Variants in AGAP1 observed in about 807,000 individuals in gnomAD.
The protein encoded by AGAP1 is arf-GAP with GTPase, ANK repeat and PH domain-containing protein 1.
In AGAP1, 29 loss-of-function variants were observed where a neutral mutation model predicts 105.3. The observed-to-expected ratio is 0.28, with a 90% CI of 0.21 to 0.38. The LOEUF (loss-of-function observed/expected upper bound fraction) is 0.38. Ranked by LOEUF, AGAP1 falls within the 10% of genes least tolerant of loss-of-function variation. The probability of loss-of-function intolerance (pLI) is 1.00; values close to 1 mark genes in which losing one functional copy is unlikely to be tolerated. For missense variants in AGAP1, 998 were observed against 1,165.1 expected, an observed-to-expected ratio of 0.86 and a Z score of 2.09; for synonymous variants, 509 against 485.9, an observed-to-expected ratio of 1.05 and a Z score of -0.63.
At position 235,882,355 on chromosome 2, in the gene AGAP1, C is replaced by T. The variant is rs915419991; in HGVS notation, c.1051-990C>T. 106 of 1,333,672 alleles carry T rather than the reference C, an allele frequency of 7.9e-5. 3 individuals are homozygous for T. Among genetic ancestry groups the T allele is most frequent in the Admixed American group, 2.9e-4 (15 of 51,386 alleles). 82.6% of individuals were successfully genotyped at this position (1,333,672 alleles called of 1,614,324 possible). ...AGGATGACGAGGGCAGGAAATCCTC[C>T]GGGCTCTTAGGAAATTTCACTCCGC... is the stretch of plus-strand genomic sequence containing the variant. On this transcript the variant is annotated intron_variant, in intron 9 of 17. Transcript: ENST00000304032. This position sits in a 1 kb window ranked among gnomAD's most constrained non-coding sequence, Gnocchi z 4.6.
At chr2:235,554,792 C>T (rs1331451260) in intron 1 of AGAP1, among the ~76,000 whole-genome samples, 1 of 152,168 alleles carries the variant, frequency 6.6e-6, no homozygotes, top group Non-Finnish European at 1.5e-5. Context: ...GCCTCAGCCT[C>T]CCGTGTAGCT....
rs1022374680 is a variant in AGAP1, at chr2:236,073,031, G to A, written c.2114+23750G>A. ...TTTTTTTTTCCTAGACAGTCTCGCT[G>A]TGTCTCCAGGCTGGAGTGCAGTGGT... On this transcript the variant is annotated intron_variant, in intron 16 of 17. Coordinates refer to ENST00000304032, the MANE Select transcript of AGAP1 (RefSeq NM_001037131.3). The surrounding 1 kb of genome is among the most constrained non-coding windows in gnomAD (Gnocchi z 5.4). Among the ~76,000 whole-genome samples the A allele has an allele frequency of 6.6e-6, 1 of 150,968 alleles. No individual in the cohort carries two copies.
rs565519093 is a variant in AGAP1, at chr2:235,992,652, T to C, written c.1645+24029T>C. Among the ~76,000 whole-genome samples the C allele has an allele frequency of 3.6e-4, 55 of 152,338 alleles. No individual in the cohort carries two copies. Among genetic ancestry groups the C allele is most frequent in the South Asian group, 6.2e-4 (3 of 4,822 alleles). On this transcript the variant is annotated intron_variant, in intron 13 of 17. Coordinates refer to ENST00000304032, the MANE Select transcript of AGAP1 (RefSeq NM_001037131.3). The surrounding 1 kb of genome is among the most constrained non-coding windows in gnomAD (Gnocchi z 4.8). Reference sequence around the variant, plus strand: ...ATGTTGAAGGCAATACTCATCAGAGTATGCATTAAGTAGCATTGAACCACA... The same window carrying C: ...ATGTTGAAGGCAATACTCATCAGAGCATGCATTAAGTAGCATTGAACCACA...
rs942329626 is a variant in AGAP1 at position 235,728,330 on chromosome 2, T to TGCTC, written c.310+10687_310+10690dup. On this transcript the variant is annotated intron_variant, in intron 3 of 17. Transcript: ENST00000304032. This position sits in a 1 kb window ranked among gnomAD's most constrained non-coding sequence, Gnocchi z 4.3. Reference sequence around the variant, plus strand: ...GTGTGTGTGTGTGTGTGTGTGTGCGTGCTCTTAAATCAATGTAAATTAGGC... The same window carrying TGCTC: ...GTGTGTGTGTGTGTGTGTGTGTGCGTGCTCGCTCTTAAATCAATGTAAATTAGGC... Among the ~76,000 whole-genome samples the TGCTC allele has an allele frequency of 2.7e-5, 4 of 149,754 alleles. No individual in the cohort carries two copies. The highest frequency in any genetic ancestry group is 7.3e-5 in the African/African-American group (3 of 40,892).
Position 236,053,832 on chromosome 2 carries a change from A to G in AGAP1, c.2114+4551A>G, listed in dbSNP as rs1189045226. Among the ~76,000 whole-genome samples, 1 of 152,292 alleles carries G rather than the reference A, an allele frequency of 6.6e-6. No homozygotes were observed. The highest frequency in any genetic ancestry group is 2.4e-5 in the African/African-American group (1 of 41,480). ...GCTCTTGAGAGGCGCTTTAAGCGCA[A>G]CTGAAATCACCCATTACCTCTTTGA... On this transcript the variant is annotated intron_variant, in intron 16 of 17. Coordinates refer to ENST00000304032, the MANE Select transcript of AGAP1 (RefSeq NM_001037131.3). The surrounding 1 kb of genome is among the most constrained non-coding windows in gnomAD (Gnocchi z 4.6).
intron 13 of AGAP1, among the ~76,000 whole-genome samples, chr2:236,016,613 G>T (rs951317047): frequency 6.6e-6 from 1 of 152,096 alleles, no homozygotes; most frequent in African/African-American, 2.4e-5. Context: ...GTAGAACCAG[G>T]AGTGAGGATT....
intron 6 of AGAP1, among the ~76,000 whole-genome samples, chr2:235,761,126 A>G (rs868865384): frequency 5.6e-4 from 86 of 152,316 alleles, no homozygotes; most frequent in African/African-American, 1.6e-3. Context: ...AACAGGAAGA[A>G]ATTATCTTAA....
rs368165560 is a variant in AGAP1, at chr2:236,123,873, C to T, written c.2371-46C>T. ...AGAAAGCTTCCCTGCCCCCTCCCTC[C>T]ATCACATCCCCCATGATACTAATGT... On this transcript the variant is annotated intron_variant, in intron 17 of 17. Transcript: ENST00000304032. The surrounding 1 kb of genome is among the most constrained non-coding windows in gnomAD (Gnocchi z 4.6). The T allele has an allele frequency of 3.5e-5, 56 of 1,607,618 alleles. No individual in the cohort carries two copies. Among genetic ancestry groups the T allele is most frequent in the Non-Finnish European group, 4.5e-5 (53 of 1,176,764 alleles).
rs901437396 is a variant in AGAP1, at chr2:235,842,522, C to T, written c.1050+35191C>T. On this transcript the variant is annotated intron_variant, in intron 9 of 17. Coordinates refer to ENST00000304032, the MANE Select transcript of AGAP1 (RefSeq NM_001037131.3). This position sits in a 1 kb window ranked among gnomAD's most constrained non-coding sequence, Gnocchi z 5.3. Reference sequence around the variant, plus strand: ...AGTGTGCTTATTACCCAGCCACAGGCGTTGCTTATATTTTGGTGACTGTAT... The same window carrying T: ...AGTGTGCTTATTACCCAGCCACAGGTGTTGCTTATATTTTGGTGACTGTAT... 1.3e-5 allele frequency among the ~76,000 whole-genome samples: 2 copies of T among 152,138 alleles called. No individual in the cohort carries two copies. Among genetic ancestry groups the T allele is most frequent in the African/African-American group, 4.8e-5 (2 of 41,422 alleles).
intron 1 of AGAP1, among the ~76,000 whole-genome samples, chr2:235,629,737 A>G (rs967213067): frequency 7.9e-5 from 12 of 151,378 alleles, no homozygotes; most frequent in Non-Finnish European, 5.9e-5. Context: ...AAATAGCTGG[A>G]CGTGGTGGCG....
rs76542384 is a variant in AGAP1 at position 236,012,374 on chromosome 2, C to G, written c.1646-24187C>G. Among the ~76,000 whole-genome samples, 220 of 152,216 alleles carry G rather than the reference C, an allele frequency of 1.4e-3. 3 individuals carry two copies. The East Asian group carries it at 0.031, about 21-fold the overall frequency. ...TTGTACTCTTGAGGAGTGCAGCCTT[C>G]TCATGGCTACCTCTTTCTGGAACTT... On this transcript the variant is annotated intron_variant, in intron 13 of 17. Transcript: ENST00000304032. The surrounding 1 kb of genome is among the most constrained non-coding windows in gnomAD (Gnocchi z 4.9).
intron 1 of AGAP1, among the ~76,000 whole-genome samples, chr2:235,521,045 C>T (rs1426339104): frequency 1.3e-5 from 2 of 152,220 alleles, no homozygotes; most frequent in South Asian, 2.1e-4. Context: ...CTAGCAGTCA[C>T]GGTTCTCAGG....
At chr2:235,632,191 T>C (rs1039473807) in intron 1 of AGAP1, among the ~76,000 whole-genome samples, 6 of 152,376 alleles carry the variant, frequency 3.9e-5, no homozygotes, top group African/African-American at 1.4e-4. Context: ...TTAGCCGCCC[T>C]GGCAGTTCAG....
intron 3 of AGAP1, among the ~76,000 whole-genome samples, chr2:235,726,153 C>T (rs1951632840): frequency 6.6e-6 from 1 of 152,184 alleles, no homozygotes; most frequent in South Asian, 2.1e-4. Context: ...GAGAAAATAC[C>T]TTTCTGAATA....
chr2:236,088,781 C>T (rs2058990910), intron 16 of AGAP1, among the ~76,000 whole-genome samples: 1 of 152,214 alleles, frequency 6.6e-6, no homozygotes, highest in Admixed American at 6.5e-5. Context: ...GCCCTGTCCC[C>T]ATTGTCACGA....
At position 235,747,304 on chromosome 2, in the gene AGAP1, G is replaced by A. The variant is rs1284066221; in HGVS notation, c.538+2465G>A. ...AGTTGAAGTCCTTGAGTAAAAGAAA[G>A]TACCCCCATTTATTCCCATGAATTC... On this transcript the variant is annotated intron_variant, in intron 5 of 17. Coordinates refer to ENST00000304032, the MANE Select transcript of AGAP1 (RefSeq NM_001037131.3). The surrounding 1 kb of genome is among the most constrained non-coding windows in gnomAD (Gnocchi z 5.0). Among the ~76,000 whole-genome samples, 1 of 152,100 alleles carries A rather than the reference G, an allele frequency of 6.6e-6. No homozygotes were observed. Among genetic ancestry groups the A allele is most frequent in the African/African-American group, 2.4e-5 (1 of 41,404 alleles).
In AGAP1 at chr2:235,659,970, A is replaced by G. The variant is rs936698076; in HGVS notation, c.164-49209A>G. Among the ~76,000 whole-genome samples, 4 of 152,120 alleles carry G rather than the reference A, an allele frequency of 2.6e-5. No individual in the cohort carries two copies. In the East Asian group the frequency reaches 7.7e-4, roughly 29 times the overall value. ...GGAACAGGCCCATAGGCACCCCTCC[A>G]TGGGCCCCTCAAGGCTGTAGACCCC... On this transcript the variant is annotated intron_variant, in intron 1 of 17. Coordinates refer to ENST00000304032, the MANE Select transcript of AGAP1 (RefSeq NM_001037131.3). The surrounding 1 kb of genome is among the most constrained non-coding windows in gnomAD (Gnocchi z 5.0).
chr2:235,711,823 G>A (rs937962561), intron 2 of AGAP1, among the ~76,000 whole-genome samples: 1 of 152,166 alleles, frequency 6.6e-6, no homozygotes, highest in Non-Finnish European at 1.5e-5. Flanking sequence ...AGCCCCCCCA[G>A]GACAGGTGGC....
In AGAP1 at chr2:235,670,207, C is replaced by T. The variant is rs532213854; in HGVS notation, c.164-38972C>T. Reference sequence around the variant, plus strand: ...TCTACCGCATCTCCGTGACCATGGTCAGGAAGGAGCAGCTGGCCGCGCCGG... The same window carrying T: ...TCTACCGCATCTCCGTGACCATGGTTAGGAAGGAGCAGCTGGCCGCGCCGG... On this transcript the variant is annotated intron_variant, in intron 1 of 17. Coordinates refer to ENST00000304032, the MANE Select transcript of AGAP1 (RefSeq NM_001037131.3). The T allele has an allele frequency of 6.9e-6, 4 of 576,610 alleles. No individual in the cohort carries two copies. In the Admixed American group the frequency reaches 7.8e-5, roughly 11 times the overall value. The allele number at this position is 576,610 out of a possible 1,614,324, so 35.7% of individuals were successfully genotyped here.
Sources: allele counts gnomAD v4.1 joint callset (sites outside exome capture counted in the v4.1 genomes callset), GRCh38; gene constraint gnomAD v4.1.1; non-coding constraint Gnocchi (gnomAD v3.1); transcripts MANE v1.5; gene names NCBI Gene and HGNC (gene_info 2026-07-23, HGNC 2026-07-21).